FBLN7: variants seen among roughly 807,000 people sequenced by gnomAD.
FBLN7 encodes fibulin 7.
A neutral mutation model predicts 44.0 loss-of-function variants in FBLN7; 31 were observed. That is an observed-to-expected ratio of 0.70 (90% CI 0.53 to 0.95). FBLN7 has a LOEUF of 0.95. FBLN7 is among the 40% of genes least tolerant of loss of function. The probability of loss-of-function intolerance (pLI) is 0.00; values close to 1 mark genes in which losing one functional copy is unlikely to be tolerated. For synonymous variants in FBLN7, 262 were observed against 253.4 expected (o/e 1.03, Z -0.32); for missense variants, 573 against 618.5 (o/e 0.93, Z 0.78).
the FBLN7 span, chr2:112,238,217 A>G: frequency 1.6e-6 from 2 of 1,219,078 alleles, no homozygotes; most frequent in Non-Finnish European, 1.1e-6. Flanking sequence ...TAGTCTTATC[A>G]TAAGATAAAG....
At chr2:112,171,505 A>T (rs1000411172) in intron 3 of FBLN7, among the ~76,000 whole-genome samples, 4 of 151,902 alleles carry the variant, frequency 2.6e-5, no homozygotes, top group African/African-American at 9.7e-5. Context: ...CGAGACCTTT[A>T]AAAAAAAGAT....
chr2:112,244,421 TAAAAA>T, the FBLN7 span, among the ~76,000 whole-genome samples: 4 of 152,140 alleles, frequency 2.6e-5, no homozygotes, highest in East Asian at 7.7e-4. Flanking sequence ...AAATGATACT[TAAAAA>T]AAATTATTCA....
chr2:112,238,550 A>C, the FBLN7 span: 1 of 1,570,236 alleles, frequency 6.4e-7, no homozygotes, highest in Non-Finnish European at 8.6e-7. Context: ...TTAAAACTTC[A>C]ATTTTAAAAA....
At chr2:112,183,762 C>T (rs1048557182) in intron 6 of FBLN7, among the ~76,000 whole-genome samples, 1 of 152,154 alleles carries the variant, frequency 6.6e-6, no homozygotes, top group African/African-American at 2.4e-5. Flanking sequence ...GTTTCTGAGG[C>T]TGATTCCTGG....
intron 6 of FBLN7, 105 bp from the exon 7 acceptor site, chr2:112,185,096 C>A: frequency 7.0e-7 from 1 of 1,426,132 alleles, no homozygotes; most frequent in Non-Finnish European, 9.5e-7. Context: ...GTGCCAGGAG[C>A]AGGGAGCACC....
the FBLN7 span, among the ~76,000 whole-genome samples, chr2:112,206,297 T>G: frequency 2.4e-4 from 37 of 152,306 alleles, no homozygotes; most frequent in South Asian, 7.7e-3. Context: ...GTTTATCAGT[T>G]TTACTGACCT....
chr2:112,159,213 A>G (rs138420024), intron 1 of FBLN7, among the ~76,000 whole-genome samples: 170 of 147,500 alleles, frequency 1.2e-3, no homozygotes, highest in African/African-American at 3.9e-3. Context: ...CTTATTTCCC[A>G]TGTTATATGT....
the FBLN7 span, among the ~76,000 whole-genome samples, chr2:112,223,981 A>C: frequency 1.3e-5 from 2 of 152,098 alleles, no homozygotes; most frequent in Non-Finnish European, 2.9e-5. Flanking sequence ...CATCTCAACT[A>C]AAAATACAAA....
the FBLN7 span, among the ~76,000 whole-genome samples, chr2:112,203,199 C>G: frequency 6.6e-6 from 1 of 152,260 alleles, no homozygotes; most frequent in Non-Finnish European, 1.5e-5. Flanking sequence ...TATCTCAGGC[C>G]AGCTTGAGGT....
the FBLN7 span, among the ~76,000 whole-genome samples, chr2:112,218,000 T>TGCCTCC: frequency 6.6e-6 from 1 of 152,190 alleles, no homozygotes; most frequent in Non-Finnish European, 1.5e-5. Flanking sequence ...TTCAAACTCC[T>TGCCTCC]GCCTCCACCT....
the FBLN7 span, among the ~76,000 whole-genome samples, chr2:112,223,259 T>C: frequency 6.6e-6 from 1 of 151,062 alleles, no homozygotes; most frequent in Non-Finnish European, 1.5e-5. Context: ...AAGTATAATT[T>C]AAAAAAAGAA....
chr2:112,180,194 T>G (rs1682916105), intron 4 of FBLN7, among the ~76,000 whole-genome samples: 2 of 151,908 alleles, frequency 1.3e-5, no homozygotes, highest in Middle Eastern at 3.4e-3. Context: ...CAGAAACTTC[T>G]CAAAAGAAAA....
At chr2:112,192,293 A>G (rs978249550), downstream of FBLN7, among the ~76,000 whole-genome samples, 1 of 152,166 alleles carries the variant, frequency 6.6e-6, no homozygotes, top group Non-Finnish European at 1.5e-5. Flanking sequence ...CCCAACAGCA[A>G]TGTATGAACA....
chr2:112,219,091 G>C, the FBLN7 span, among the ~76,000 whole-genome samples: 1 of 151,996 alleles, frequency 6.6e-6, no homozygotes, highest in Non-Finnish European at 1.5e-5. Context: ...TCCAGAAATA[G>C]AAAAATCTGT....
Position 112,165,156 on chromosome 2 carries a change from C to T in FBLN7, c.391C>T (p.Gln131Ter), listed in dbSNP as rs1573800650. 1 of 1,613,992 alleles carries T rather than the reference C, an allele frequency of 6.2e-7. No individual in the cohort carries two copies. Among genetic ancestry groups the T allele is most frequent in the Non-Finnish European group, 8.5e-7 (1 of 1,180,002 alleles). The change falls in exon 3 of 8, where the codon CAG (glutamine) becomes TAG (stop). Residue 131 changes from glutamine (Q) to a stop codon, truncating the protein, a stop_gained. Coordinates refer to ENST00000331203, the MANE Select transcript of FBLN7 (RefSeq NM_153214.3). LOFTEE classifies it high-confidence loss of function. ...TCCCAATGGCACCTGGACAGGGGAG[C>T]AGCCCCACTGTAGAGGTATCGTCTC... ...CLPNGTWTGE[Q>*]PHCRGISECS...
rs112664132 is a variant in FBLN7 at position 112,165,026 on chromosome 2, C to G, written c.261C>G (p.Pro87=). The G allele has an allele frequency of 1.9e-6, 3 of 1,614,042 alleles. No homozygotes were observed. The African/African-American group carries it at 4.0e-5, about 22-fold the overall frequency. Residue 87 remains proline, a synonymous_variant, in exon 3 of 8, where the codon CCC becomes CCG. Transcript: ENST00000331203. ...LPVSCPALNT[P]ADGRKFGSKY... is the part of the protein sequence containing the mutation. ...TTTCCTGCCCGGCTCTGAACACCCC[C>G]GCAGACGGCAGAAAGTTTGGAAGCA... is the stretch of plus-strand genomic sequence containing the variant.
chr2:112,147,345 C>T (rs1468917991), intron 1 of FBLN7, among the ~76,000 whole-genome samples: 1 of 152,196 alleles, frequency 6.6e-6, no homozygotes, highest in Non-Finnish European at 1.5e-5. Context: ...CTGGGGACCA[C>T]TCCGCATTTC....
intron 1 of FBLN7, among the ~76,000 whole-genome samples, chr2:112,154,701 G>A (rs1451835323): frequency 1.3e-5 from 2 of 152,156 alleles, no homozygotes; most frequent in African/African-American, 4.8e-5. Context: ...CCCTTGGCCT[G>A]ACCTCAGCAA....
intron 3 of FBLN7, among the ~76,000 whole-genome samples, chr2:112,173,296 G>T (rs1208914223): frequency 6.6e-6 from 1 of 152,070 alleles, no homozygotes; most frequent in Non-Finnish European, 1.5e-5. Flanking sequence ...TAAAAAAAGA[G>T]TAAAATTTCT....
Sources: gnomAD v4.1 joint callset for allele counts (sites outside exome capture counted in the v4.1 genomes callset) on GRCh38, gnomAD v4.1.1 for gene constraint, MANE v1.5 for transcripts, NCBI Gene and HGNC (gene_info 2026-07-23, HGNC 2026-07-21) for gene names.